Variants in DOCK5 observed in about 807,000 individuals in gnomAD.
The protein encoded by DOCK5 is dedicator of cytokinesis protein 5.
Under a neutral mutation model 251.8 loss-of-function variants are expected in DOCK5, and 142 were observed. The ratio of observed to expected loss-of-function variants is 0.56; its 90% CI spans 0.49 to 0.65. The LOEUF (loss-of-function observed/expected upper bound fraction) is 0.65. DOCK5 is among the 30% of genes least tolerant of loss of function. The probability of loss-of-function intolerance (pLI) is 0.00; values close to 1 mark genes in which losing one functional copy is unlikely to be tolerated. For missense variants in DOCK5, 2,111 were observed against 2,312.3 expected (o/e 0.91, Z 1.79); for synonymous variants, 842 against 835.5 (o/e 1.01, Z -0.13).
chr8:25,392,084 A>C, intron 43 of DOCK5, 104 bp downstream of exon 43: 1 of 1,090,148 alleles, frequency 9.2e-7, no homozygotes, highest in Admixed American at 2.3e-5. Context: ...CGGGCGGATC[A>C]CGAAGTCAAG....
chr8:25,189,860 C>T (rs2117437764), intron 1 of DOCK5, among the ~76,000 whole-genome samples: 1 of 152,238 alleles, frequency 6.6e-6, no homozygotes, highest in East Asian at 1.9e-4. Flanking sequence ...TGACTTCAGA[C>T]TTGGGCTTTT....
chr8:25,366,780 A>G, intron 30 of DOCK5, 90 bp from the exon 31 acceptor site: 1 of 913,942 alleles, frequency 1.1e-6, no homozygotes, highest in Non-Finnish European at 1.7e-6. Flanking sequence ...TCTCTTGTTA[A>G]TGACTTTTTA....
intron 9 of DOCK5, among the ~76,000 whole-genome samples, chr8:25,301,053 G>C (rs548302050): frequency 1.8e-4 from 28 of 152,188 alleles, no homozygotes; most frequent in African/African-American, 6.5e-4. Context: ...ATTTAAAAAA[G>C]GAAAAATGAC....
chr8:25,365,450 A>G (rs893417801), intron 30 of DOCK5, among the ~76,000 whole-genome samples: 1 of 152,252 alleles, frequency 6.6e-6, no homozygotes, highest in Non-Finnish European at 1.5e-5. Flanking sequence ...CAAACAAAGC[A>G]ATGAAAGAAT....
chr8:25,243,708 G>A lies in DOCK5; in HGVS notation c.78G>A (p.Glu26=). The A allele has an allele frequency of 6.2e-7, 1 of 1,613,660 alleles. No homozygotes were observed. The highest frequency in any genetic ancestry group is 8.5e-7 in the Non-Finnish European group (1 of 1,179,712). ...IYNYNASQDV[E]LSLQIGDTVH... ...ACTACAATGCTTCTCAAGATGTGGA[G>A]CTCTCCTTGCAGATCGGTGACACAG... Residue 26 remains glutamate, a synonymous_variant, in exon 2 of 52, where the codon GAG becomes GAA. Transcript: ENST00000276440.
chr8:25,196,777 G>A (rs750109187), intron 1 of DOCK5, among the ~76,000 whole-genome samples: 1 of 152,076 alleles, frequency 6.6e-6, no homozygotes, highest in East Asian at 1.9e-4. Context: ...ACGTTATAAT[G>A]CAATGCATAT....
intron 1 of DOCK5, among the ~76,000 whole-genome samples, chr8:25,239,242 G>C (rs1802878802): frequency 6.6e-6 from 1 of 152,088 alleles, no homozygotes; most frequent in Non-Finnish European, 1.5e-5. Context: ...TACGGGCTGG[G>C]ACAATTTTGG....
intron 28 of DOCK5, among the ~76,000 whole-genome samples, chr8:25,360,541 C>T (rs1800658788): frequency 6.6e-6 from 1 of 152,266 alleles, no homozygotes; most frequent in East Asian, 1.9e-4. Flanking sequence ...TGAATTCTGA[C>T]CATTCCACTC....
rs533422160 is a variant in DOCK5, at chr8:25,200,821, C to A, written c.43+15870C>A. On this transcript the variant is annotated intron_variant, in intron 1 of 51. Coordinates refer to ENST00000276440, the MANE Select transcript of DOCK5 (RefSeq NM_024940.8). ...TGTGCTGGTCTCATCTCTTTATAAT[C>A]CTACTTTTTAAAACTTGTATAATTA... Among the ~76,000 whole-genome samples, 27 of 152,266 alleles carry A rather than the reference C, an allele frequency of 1.8e-4. No individual in the cohort carries two copies. The South Asian group carries it at 5.6e-3, about 32-fold the overall frequency.
intron 12 of DOCK5, among the ~76,000 whole-genome samples, chr8:25,310,030 A>G (rs1805046577): frequency 6.6e-6 from 1 of 152,120 alleles, no homozygotes; most frequent in Admixed American, 6.5e-5. Context: ...GATTTTTTTC[A>G]TGATTTGTTA....
At position 25,309,906 on chromosome 8, in the gene DOCK5, C is replaced by A. The variant is rs375285919; in HGVS notation, c.1193-501C>A. Among the ~76,000 whole-genome samples, 16 of 152,026 alleles carry A rather than the reference C, an allele frequency of 1.1e-4. No individual in the cohort carries two copies. The South Asian group carries it at 3.3e-3, about 32-fold the overall frequency. On this transcript the variant is annotated intron_variant, in intron 12 of 51. Coordinates refer to ENST00000276440, the MANE Select transcript of DOCK5 (RefSeq NM_024940.8). ...TACACTTCTTTTTTCTTTTAACATT[C>A]TGCCTTCTTTTTCTATGTAATTCAT... is the stretch of plus-strand genomic sequence containing the variant.
intron 2 of DOCK5, among the ~76,000 whole-genome samples, chr8:25,258,343 G>C (rs1474692622): frequency 6.6e-6 from 1 of 152,058 alleles, no homozygotes; most frequent in Admixed American, 6.5e-5. Flanking sequence ...CTTTGCTACA[G>C]ATGTTATGGG....
At chr8:25,407,127 T>G (rs760508983) in intron 48 of DOCK5, among the ~76,000 whole-genome samples, 3 of 152,126 alleles carry the variant, frequency 2.0e-5, no homozygotes, top group Non-Finnish European at 2.9e-5. Context: ...TAAAATATAT[T>G]TTTATTAAAA....
intron 1 of DOCK5, among the ~76,000 whole-genome samples, chr8:25,229,422 G>A (rs533822428): frequency 1.2e-4 from 19 of 152,080 alleles, no homozygotes; most frequent in South Asian, 1.2e-3. Context: ...CAGAGGTTGC[G>A]GTGAGCTGAG....
chr8:25,414,924 A>ATTTTTTTTTTTTTTTTTTTT lies in DOCK5; in HGVS notation c.*3630_*3631insTTTTTTTTTTTTTTTTTTTT, dbSNP rs1205298349. Reference sequence around the variant, plus strand: ...CTGGGCCTGTCTTTTTTTTTTTTTAATTTTGAAGCTACCTGAGGTTTAGAA... The same window carrying ATTTTTTTTTTTTTTTTTTTT: ...CTGGGCCTGTCTTTTTTTTTTTTTAATTTTTTTTTTTTTTTTTTTTTTTTGAAGCTACCTGAGGTTTAGAA... On this transcript the variant is annotated 3_prime_UTR_variant, in exon 52 of 52. Transcript: ENST00000276440. The ATTTTTTTTTTTTTTTTTTTT allele has an allele frequency of 4.7e-5, 3 of 64,212 alleles. No individual in the cohort carries two copies. The highest frequency in any genetic ancestry group is 1.7e-4 in the Admixed American group (1 of 5,720). The allele number at this position is 64,212 out of a possible 1,614,324, so 4.0% of individuals were successfully genotyped here.
At chr8:25,247,898 C>T (rs1211691324) in intron 2 of DOCK5, among the ~76,000 whole-genome samples, 3 of 152,124 alleles carry the variant, frequency 2.0e-5, no homozygotes, top group Admixed American at 6.6e-5. Context: ...TATGGTGATC[C>T]GGATGCTGTA....
intron 1 of DOCK5, among the ~76,000 whole-genome samples, chr8:25,218,970 A>G (rs1455392787): frequency 2.0e-5 from 3 of 152,100 alleles, no homozygotes; most frequent in Non-Finnish European, 2.9e-5. Context: ...TTCTCACCCA[A>G]ATCTCACTGA....
chr8:25,224,759 A>G (rs1207798010), intron 1 of DOCK5, among the ~76,000 whole-genome samples: 1 of 152,234 alleles, frequency 6.6e-6, no homozygotes, highest in East Asian at 1.9e-4. Context: ...GTGTTTTATA[A>G]CAAATCAAAT....
At chr8:25,318,358 G>T (rs534646644) in intron 14 of DOCK5, among the ~76,000 whole-genome samples, 1 of 152,064 alleles carries the variant, frequency 6.6e-6, no homozygotes, top group Non-Finnish European at 1.5e-5. Flanking sequence ...CAAAGTGCTG[G>T]GATTACAGGC....
Sources: allele counts gnomAD v4.1 joint callset (sites outside exome capture counted in the v4.1 genomes callset), GRCh38; gene constraint gnomAD v4.1.1; transcripts MANE v1.5; gene names NCBI Gene and HGNC (gene_info 2026-07-23, HGNC 2026-07-21).